The following BRCA2 variants were observed in gnomAD, a reference collection of about 807,000 sequenced individuals.
BRCA2 encodes breast cancer type 2 susceptibility protein.
BRCA2 carries 203 observed loss-of-function variants against 276.7 expected under a neutral mutation model. That is an observed-to-expected ratio of 0.73 (90% CI 0.65 to 0.82). BRCA2 has a LOEUF of 0.82. Among genes scored for constraint, BRCA2 ranks in the 40% least tolerant of loss-of-function variants. The probability of loss-of-function intolerance (pLI) is 0.00; values close to 1 mark genes in which losing one functional copy is unlikely to be tolerated. For synonymous variants in BRCA2, 1,289 were observed against 1,338.4 expected (o/e 0.96, Z 0.81); for missense variants, 3,920 against 3,915.0 (o/e 1.00, Z -0.03).
In BRCA2 at chr13:32,342,160, C is replaced by A. The variant is rs206077; in HGVS notation, c.6841+964C>A. 0.18 allele frequency among the ~76,000 whole-genome samples: 27,518 copies of A among 151,452 alleles called. 2,549 individuals are homozygous for A. The highest frequency in any genetic ancestry group is 0.24 in the Middle Eastern group (71 of 294). On this transcript the variant is annotated intron_variant, in intron 11 of 26. Transcript: ENST00000380152. ...TGGTGGCGCGCACCTATAATCCCAACTACTCCAGAAGCTGAGGCAGGAGAA... is the reference window on the plus strand; with the variant it reads ...TGGTGGCGCGCACCTATAATCCCAAATACTCCAGAAGCTGAGGCAGGAGAA...
intron 13 of BRCA2, among the ~76,000 whole-genome samples, chr13:32,347,774 G>C (rs1055008047): frequency 1.3e-5 from 2 of 151,982 alleles, no homozygotes; most frequent in Admixed American, 6.6e-5. Context: ...CAATAGAAAA[G>C]ACCAAAAAAT....
intron 15 of BRCA2, among the ~76,000 whole-genome samples, 172 bp from the exon 16 acceptor site, chr13:32,357,570 A>G (rs1350225033): frequency 6.6e-6 from 1 of 152,242 alleles, no homozygotes; most frequent in African/African-American, 2.4e-5. Context: ...TTTATATTAC[A>G]TTAAAATTTT....
At chr13:32,329,541 G>A (rs2072374152) in intron 8 of BRCA2, 49 bp downstream of exon 8, 1 of 1,379,314 alleles carries the variant, frequency 7.2e-7, no homozygotes. Flanking sequence ...TAACAATTTT[G>A]GAATGCCTTG....
rs1555286846 is a variant in BRCA2, at chr13:32,362,615, C to G, written c.7898C>G (p.Ala2633Gly). ...AGATGGATCATATGGAAACTGGCAG[C>G]TATGGAATGTGCCTTTCCTAAGGAA... ...HYRWIIWKLA[A>G]MECAFPKEFA... The change falls in exon 17 of 27, where the codon GCT becomes GGT. Residue 2633 changes from alanine (A) to glycine (G), a missense_variant. This residue lies in a region of BRCA2 where 3,263 missense variants were observed against 3,156.9 expected (regional missense o/e 1.03). Transcript: ENST00000380152. The G allele has an allele frequency of 6.2e-7, 1 of 1,614,184 alleles. No individual in the cohort carries two copies. Among genetic ancestry groups the G allele is most frequent in the Non-Finnish European group, 8.5e-7 (1 of 1,180,016 alleles).
In BRCA2 at chr13:32,340,544, A is replaced by G. The variant is rs1367271077; in HGVS notation, c.6189A>G (p.Gly2063=). The change falls in exon 11 of 27, where the codon GGA becomes GGG. Residue 2063 remains glycine, a synonymous_variant. Transcript: ENST00000380152. ...TCTCTGGATTTAGTACAGCAAGTGG[A>G]AAGCAAGTTTCCATTTTAGAAAGTT... The part of the protein sequence containing the change: ...SAFSGFSTAS[G]KQVSILESSL... 11 of 1,612,860 alleles carry G rather than the reference A, an allele frequency of 6.8e-6. No individual in the cohort carries two copies. Among genetic ancestry groups the G allele is most frequent in the African/African-American group, 1.3e-5 (1 of 74,864 alleles).
chr13:32,335,766 G>C (rs1023944895), intron 10 of BRCA2, among the ~76,000 whole-genome samples: 2 of 151,604 alleles, frequency 1.3e-5, no homozygotes, highest in Non-Finnish European at 1.5e-5. Flanking sequence ...AATTTATCTT[G>C]AGCTAAAAAA....
intron 11 of BRCA2, 63 bp downstream of exon 11, chr13:32,341,259 A>G: frequency 1.3e-6 from 2 of 1,597,008 alleles, no homozygotes; most frequent in Non-Finnish European, 1.7e-6. Flanking sequence ...TATTCAGTAG[A>G]CTTGGTATGC....
chr13:32,379,337 G>C lies in BRCA2; in HGVS notation c.8775G>C (p.Gln2925His), dbSNP rs80359136. ...CACAGGGTTATTTCAGTGAAGAGCA[G>C]TTAAGAGCCTTGAATAATCACAGGC... is the stretch of plus-strand genomic sequence containing the variant. ...AYLEGYFSEE[Q>H]LRALNNHRQM... The change falls in exon 22 of 27, where the codon CAG (glutamine) becomes CAC (histidine). Residue 2925 changes from glutamine (Q) to histidine (H), a missense_variant. By Grantham distance (24) the Gln-to-His change is conservative. Around this residue, in one of 2 missense-constraint regions of BRCA2, gnomAD observed 657 missense variants for 758.2 expected, o/e 0.87. Coordinates refer to ENST00000380152, the MANE Select transcript of BRCA2 (RefSeq NM_000059.4). 3 of 1,613,776 alleles carry C rather than the reference G, an allele frequency of 1.9e-6. No homozygotes were observed. Among genetic ancestry groups the C allele is most frequent in the Non-Finnish European group, 2.5e-6 (3 of 1,179,826 alleles).
intron 24 of BRCA2, among the ~76,000 whole-genome samples, chr13:32,387,072 T>G (rs2072965753): frequency 6.6e-6 from 1 of 152,028 alleles, no homozygotes; most frequent in Non-Finnish European, 1.5e-5. Flanking sequence ...AAGGTGGTGG[T>G]CTCCCAATGT....
chr13:32,375,368 C>G, intron 20 of BRCA2: 1 of 452,246 alleles, frequency 2.2e-6, no homozygotes, highest in Non-Finnish European at 4.4e-6. Context: ...AAGTCTTGAA[C>G]CCCCCAAAGT....
chr13:32,395,155 A>G (rs2073027543), intron 25 of BRCA2, among the ~76,000 whole-genome samples: 1 of 152,182 alleles, frequency 6.6e-6, no homozygotes. Context: ...GTTAGGAGAA[A>G]TTGTGAGAAG....
rs2072954339 is a variant in BRCA2 at position 32,385,640 on chromosome 13, G to A, written c.9256+5495G>A. 8.1e-6 allele frequency: 2 copies of A among 247,836 alleles called. 1 individual carries two copies. The highest frequency in any genetic ancestry group is 2.4e-4 in the East Asian group (2 of 8,428). The allele number at this position is 247,836 out of a possible 1,614,324, so 15.4% of individuals were successfully genotyped here. On this transcript the variant is annotated intron_variant, in intron 24 of 26. Coordinates refer to ENST00000380152, the MANE Select transcript of BRCA2 (RefSeq NM_000059.4). ...AGAGAAAAGGTAGACAAAATGATAA[G>A]ATCACCTGTATTTCATCTTCAATCT...
chr13:32,371,885 A>T lies in BRCA2; in HGVS notation c.8632+785A>T, dbSNP rs529310465. On this transcript the variant is annotated intron_variant, in intron 20 of 26. Transcript: ENST00000380152. Reference sequence around the variant, plus strand: ...TGTAGTAGCATTGTATCTAAAAAAAACAATGCACATACCTTAATACACTTT... The same window carrying T: ...TGTAGTAGCATTGTATCTAAAAAAATCAATGCACATACCTTAATACACTTT... Among the ~76,000 whole-genome samples the T allele has an allele frequency of 4.6e-5, 7 of 152,362 alleles. No homozygotes were observed. The East Asian group carries it at 1.3e-3, about 29-fold the overall frequency.
intron 25 of BRCA2, 148 bp from the exon 26 acceptor site, chr13:32,396,750 G>A (rs938867035): frequency 7.4e-6 from 7 of 943,864 alleles, no homozygotes; most frequent in Non-Finnish European, 1.1e-5. Flanking sequence ...ATTTTGCATC[G>A]GCATGTTTGA....
At chr13:32,371,685 T>C (rs1413847244) in intron 20 of BRCA2, among the ~76,000 whole-genome samples, 5 of 152,126 alleles carry the variant, frequency 3.3e-5, no homozygotes, top group Non-Finnish European at 5.9e-5. Context: ...GATCATACTA[T>C]TTTCATAAAT....
intron 26 of BRCA2, 35 bp from the exon 27 acceptor site, chr13:32,398,111 TTTTATGTTACTACATA>T: frequency 6.5e-7 from 1 of 1,550,038 alleles, no homozygotes; most frequent in Non-Finnish European, 8.7e-7. Context: ...TGATTTAGTT[TTTTATGTTACTACATA>T]ATTATGATAG....
chr13:32,397,717 G>C (rs1247499356), intron 26 of BRCA2, among the ~76,000 whole-genome samples: 1 of 152,130 alleles, frequency 6.6e-6, no homozygotes, highest in East Asian at 1.9e-4. Flanking sequence ...CTATTATCCT[G>C]ATTTTGTAGA....
At chr13:32,379,269 CT>C in intron 21 of BRCA2, 47 bp from the exon 22 acceptor site, 12 of 1,600,054 alleles carry the variant, frequency 7.5e-6, no homozygotes, top group Non-Finnish European at 1.0e-5. Context: ...ATAGATGGAA[CT>C]TTTTTGTTCT....
In BRCA2 at chr13:32,336,645, G is replaced by C. The variant is rs587782158; in HGVS notation, c.2290G>C (p.Glu764Gln). ...QSQKSLLYDH[E>Q]NASTLILTPT... ...CCAGAAAAGTCTTTTATATGATCAT[G>C]AAAATGCCAGCACTCTTATTTTAAC... Residue 764 changes from glutamate (E) to glutamine (Q), a missense_variant, in exon 11 of 27, where the codon GAA becomes CAA. Physicochemically the swap from Glu to Gln is conservative, Grantham distance 29 (BLOSUM62 2). Transcript: ENST00000380152. 1.9e-6 allele frequency: 3 copies of C among 1,613,890 alleles called. No homozygotes were observed. The highest frequency in any genetic ancestry group is 2.7e-5 in the African/African-American group (2 of 74,928).
Sources: gnomAD v4.1 joint callset for allele counts (sites outside exome capture counted in the v4.1 genomes callset) on GRCh38, gnomAD v4.1.1 for gene constraint, gnomAD v4.1.1 regional missense constraint, MANE v1.5 for transcripts, NCBI Gene and HGNC (gene_info 2026-07-23, HGNC 2026-07-21) for gene names.